Variants in CEP350 observed in about 807,000 individuals in gnomAD.
CEP350 encodes centrosome-associated protein 350.
Under a neutral mutation model 331.8 loss-of-function variants are expected in CEP350, and 126 were observed. The observed-to-expected ratio is 0.38, with a 90% CI of 0.33 to 0.44. CEP350 has a LOEUF of 0.44. Ranked by LOEUF, CEP350 falls within the 20% of genes least tolerant of loss-of-function variation. The pLI is 1.00. For missense variants in CEP350, 3,406 were observed against 3,634.6 expected, an observed-to-expected ratio of 0.94 and a Z score of 1.62; for synonymous variants, 1,200 against 1,259.5, an observed-to-expected ratio of 0.95 and a Z score of 1.00.
intron 14 of CEP350, among the ~76,000 whole-genome samples, chr1:180,026,690 C>T (rs1237852894): frequency 1.3e-5 from 2 of 152,148 alleles, no homozygotes; most frequent in Admixed American, 1.3e-4. Context: ...GACTACTCTG[C>T]GTACTTCATA....
intron 25 of CEP350, among the ~76,000 whole-genome samples, chr1:180,061,843 G>C (rs961890951): frequency 6.6e-6 from 1 of 152,110 alleles, no homozygotes; most frequent in African/African-American, 2.4e-5. Context: ...CATTATAGGG[G>C]CCTAAAAGTT....
At chr1:180,023,628 A>G (rs2148847028) in intron 13 of CEP350, among the ~76,000 whole-genome samples, 1 of 152,350 alleles carries the variant, frequency 6.6e-6, no homozygotes, top group East Asian at 1.9e-4. Context: ...CTTTACCTGT[A>G]TTAACTCATT....
intron 15 of CEP350, among the ~76,000 whole-genome samples, chr1:180,033,136 CAG>C (rs1263909721): frequency 6.6e-6 from 1 of 152,004 alleles, no homozygotes; most frequent in Non-Finnish European, 1.5e-5. Context: ...ATAATTTATT[CAG>C]TAAATAAATA....
Position 179,973,154 on chromosome 1 carries a change from A to G in CEP350, c.-13-13015A>G, listed in dbSNP as rs180999927. On this transcript the variant is annotated intron_variant, in intron 1 of 37. Transcript: ENST00000367607. ...AGTGCTGGGATTACAGGCGTGAGCC[A>G]CCTCTCCCGGCCGCAATAGGTACAA... Among the ~76,000 whole-genome samples, 588 of 152,286 alleles carry G rather than the reference A, an allele frequency of 3.9e-3. 4 individuals are homozygous for G. Among genetic ancestry groups the G allele is most frequent in the African/African-American group, 0.013 (542 of 41,568 alleles).
chr1:180,088,254 A>AAG (rs1319180772), intron 32 of CEP350, among the ~76,000 whole-genome samples: 2 of 152,204 alleles, frequency 1.3e-5, no homozygotes. Context: ...GTATGCAGTC[A>AAG]GTAAGCAAAT....
rs757411023 is a variant in CEP350 at position 180,078,615 on chromosome 1, C to G, written c.5920C>G (p.Leu1974Val). The G allele has an allele frequency of 1.2e-6, 2 of 1,612,834 alleles. No homozygotes were observed. The highest frequency in any genetic ancestry group is 1.7e-5 in the Admixed American group (1 of 59,878). Reference sequence around the variant, plus strand: ...GCCAGGGAGTCCAGATCACAGTATACTTACTGAAGAAATGATTTGTTCACA... The same window carrying G: ...GCCAGGGAGTCCAGATCACAGTATAGTTACTGAAGAAATGATTTGTTCACA... ...EQPGSPDHSI[L>V]TEEMICSQEL... The change falls in exon 29 of 38, where the codon CTT becomes GTT. Residue 1974 changes from leucine to valine, a missense_variant. Leu to Val is a conservative substitution (Grantham distance 32). Transcript: ENST00000367607.
At chr1:180,057,872 T>G (rs971811252) in intron 25 of CEP350, among the ~76,000 whole-genome samples, 2 of 152,180 alleles carry the variant, frequency 1.3e-5, no homozygotes, top group African/African-American at 4.8e-5. Context: ...GACTGGGGAT[T>G]TCTGCCCTGC....
intron 27 of CEP350, among the ~76,000 whole-genome samples, chr1:180,071,601 A>T (rs571356070): frequency 1.2e-4 from 18 of 152,090 alleles, no homozygotes; most frequent in African/African-American, 4.3e-4. Flanking sequence ...ACATGGTGAA[A>T]CCCTGTCTCT....
chr1:180,009,150 C>T (rs1432033234), intron 8 of CEP350, among the ~76,000 whole-genome samples: 1 of 152,196 alleles, frequency 6.6e-6, no homozygotes, highest in Non-Finnish European at 1.5e-5. Context: ...GCTGGGATTA[C>T]AGGCATGTGC....
At chr1:179,978,469 A>G (rs1428645813) in intron 1 of CEP350, among the ~76,000 whole-genome samples, 27 of 152,136 alleles carry the variant, frequency 1.8e-4, no homozygotes, top group Admixed American at 1.8e-3. Flanking sequence ...ACAGTGCTAT[A>G]GAACACTAGA....
chr1:180,048,902 G>A (rs1463376811), intron 22 of CEP350, among the ~76,000 whole-genome samples, 197 bp downstream of exon 22: 2 of 152,118 alleles, frequency 1.3e-5, no homozygotes, highest in Admixed American at 6.5e-5. Flanking sequence ...GACCTCTGTC[G>A]CTACAAAAAA....
intron 25 of CEP350, among the ~76,000 whole-genome samples, chr1:180,060,631 A>G (rs1223718999): frequency 3.3e-5 from 5 of 152,204 alleles, no homozygotes; most frequent in African/African-American, 1.2e-4. Context: ...TGGGCAACAG[A>G]GCAAGACCTT....
At position 180,094,256 on chromosome 1, in the gene CEP350, A is replaced by G. The variant is rs1311591020; in HGVS notation, c.8151A>G (p.Thr2717=). The G allele has an allele frequency of 1.9e-6, 3 of 1,613,476 alleles. No individual in the cohort carries two copies. Among genetic ancestry groups the G allele is most frequent in the Non-Finnish European group, 2.5e-6 (3 of 1,179,672 alleles). The change falls in exon 34 of 38, where the codon ACA becomes ACG. Residue 2717 remains threonine (T), a synonymous_variant. Transcript: ENST00000367607. ...CTGAAGCTTCAGAAAAGCTTTGTAC[A>G]CCACTTCTGGATCTTTTAACAAGAG... is the stretch of plus-strand genomic sequence containing the variant. ...LYAEASEKLC[T]PLLDLLTREK... is the part of the protein sequence containing the mutation.
chr1:179,988,673 T>C (rs768120303), intron 3 of CEP350, among the ~76,000 whole-genome samples: 12 of 147,212 alleles, frequency 8.2e-5, no homozygotes, highest in Non-Finnish European at 1.1e-4. Flanking sequence ...GGGAAACCCT[T>C]TTTTTTTTTT....
chr1:180,081,539 G>A (rs1659567001), intron 30 of CEP350, among the ~76,000 whole-genome samples: 1 of 152,108 alleles, frequency 6.6e-6, no homozygotes, highest in Non-Finnish European at 1.5e-5. Context: ...TAACGTCCAG[G>A]ATATGCTCTG....
At position 180,031,337 on chromosome 1, in the gene CEP350, G is replaced by A. The variant is rs768342261; in HGVS notation, c.3568G>A (p.Gly1190Arg). The A allele has an allele frequency of 6.2e-7, 1 of 1,603,658 alleles. No homozygotes were observed. The highest frequency in any genetic ancestry group is 1.1e-5 in the South Asian group (1 of 90,466). The change falls in exon 15 of 38, where the codon GGA (glycine) becomes AGA (arginine). Residue 1190 changes from glycine to arginine, a missense_variant. Transcript: ENST00000367607. ...CTTTACAGGGTTGGATTCATTCACT[G>A]GAAATGTTCAGAACTCACTTCTTGA... ...EKTEWLDSFT[G>R]NVQNSLLDEE...
chr1:179,996,012 C>T (rs1461715088), intron 5 of CEP350, among the ~76,000 whole-genome samples: 3 of 152,142 alleles, frequency 2.0e-5, no homozygotes, highest in Non-Finnish European at 4.4e-5. Context: ...GTTTTATTGA[C>T]AAATGTCAAG....
At chr1:179,989,558 TTTTAA>T (rs1407551074) in intron 3 of CEP350, among the ~76,000 whole-genome samples, 1 of 152,104 alleles carries the variant, frequency 6.6e-6, no homozygotes, top group African/African-American at 2.4e-5. Flanking sequence ...GGAATTTTGA[TTTTAA>T]TTTCATTTTT....
chr1:179,973,993 C>T (rs1480389305), intron 1 of CEP350, among the ~76,000 whole-genome samples: 1 of 151,574 alleles, frequency 6.6e-6, no homozygotes, highest in Non-Finnish European at 1.5e-5. Context: ...CCTTCTTCAC[C>T]ATTCATCCTT....
Sources: gnomAD v4.1 joint callset for allele counts (sites outside exome capture counted in the v4.1 genomes callset) on GRCh38, gnomAD v4.1.1 for gene constraint, MANE v1.5 for transcripts, NCBI Gene and HGNC (gene_info 2026-07-23, HGNC 2026-07-21) for gene names.